BABAM2: variants seen among roughly 807,000 people sequenced by gnomAD.
BABAM2 encodes the protein BRISC and BRCA1-A complex member 2.
BABAM2 carries 31 observed loss-of-function variants against 54.7 expected under a neutral mutation model. The observed-to-expected ratio is 0.57, with a 90% CI of 0.43 to 0.77. BABAM2 has a LOEUF of 0.77. Among genes scored for constraint, BABAM2 ranks in the 30% least tolerant of loss-of-function variants. The pLI is 0.00. For synonymous variants in BABAM2, 167 were observed against 162.9 expected, an observed-to-expected ratio of 1.03 and a Z score of -0.19; for missense variants, 364 against 455.8, an observed-to-expected ratio of 0.80 and a Z score of 1.83.
At chr2:28,221,510 A>G (rs761879678) in intron 7 of BABAM2, among the ~76,000 whole-genome samples, 4 of 152,176 alleles carry the variant, frequency 2.6e-5, no homozygotes, top group Non-Finnish European at 5.9e-5. Context: ...ATTACATACT[A>G]TTCTGCAGCT....
At chr2:28,334,240 C>T (rs1691213589) in intron 11 of BABAM2, among the ~76,000 whole-genome samples, 1 of 152,246 alleles carries the variant, frequency 6.6e-6, no homozygotes, top group African/African-American at 2.4e-5. Flanking sequence ...AAGGAGCTTG[C>T]AATGTTGTAG....
At chr2:28,116,267 G>T (rs1409886347) in intron 6 of BABAM2, among the ~76,000 whole-genome samples, 1 of 152,202 alleles carries the variant, frequency 6.6e-6, no homozygotes, top group East Asian at 1.9e-4. Flanking sequence ...CCCATAGACA[G>T]TTCCAGAGGG....
At chr2:28,185,710 C>T (rs1487055528) in intron 7 of BABAM2, among the ~76,000 whole-genome samples, 1 of 151,750 alleles carries the variant, frequency 6.6e-6, no homozygotes, top group Non-Finnish European at 1.5e-5. Context: ...TGTCATTGCA[C>T]AAGTATTTGA....
chr2:27,912,540 A>G (rs1310759002), intron 2 of BABAM2, among the ~76,000 whole-genome samples: 1 of 152,180 alleles, frequency 6.6e-6, no homozygotes, highest in Non-Finnish European at 1.5e-5. Flanking sequence ...CTGAGAACCA[A>G]TATAGTTCAA....
chr2:28,217,272 C>T lies in BABAM2; in HGVS notation c.681-19930C>T, dbSNP rs930693148. 1.5e-4 allele frequency among the ~76,000 whole-genome samples: 23 copies of T among 152,268 alleles called. 1 individual carries two copies. The highest frequency in any genetic ancestry group is 1.1e-3 in the Admixed American group (17 of 15,280). On this transcript the variant is annotated intron_variant, in intron 7 of 11. Transcript: ENST00000379624. ...ATATCATAATGGTCAAGAAAAGTTTCATAAATTGGCACTGATTTAAGTGCT... is the reference window on the plus strand; with the variant it reads ...ATATCATAATGGTCAAGAAAAGTTTTATAAATTGGCACTGATTTAAGTGCT...
intron 7 of BABAM2, among the ~76,000 whole-genome samples, chr2:28,179,332 C>T (rs1280727476): frequency 7.2e-5 from 11 of 152,198 alleles, no homozygotes; most frequent in Admixed American, 7.2e-4. Flanking sequence ...GTTCAACATA[C>T]ACAAATCAAA....
In BABAM2 at chr2:28,276,307, G is replaced by A. The variant is rs112144542; in HGVS notation, c.935-22031G>A. 8.3e-3 allele frequency among the ~76,000 whole-genome samples: 1,267 copies of A among 152,226 alleles called. 15 individuals are homozygous for A. The highest frequency in any genetic ancestry group is 0.029 in the African/African-American group (1,207 of 41,534). On this transcript the variant is annotated intron_variant, in intron 10 of 11. Coordinates refer to ENST00000379624, the MANE Select transcript of BABAM2 (RefSeq NM_199191.3). ...TACTTTCTCTCAGAATTTTACAGAT[G>A]TGAGTCATCCACTTTAGTCTGCAGA...
chr2:27,965,845 C>T (rs1246948289), intron 3 of BABAM2, among the ~76,000 whole-genome samples: 2 of 151,540 alleles, frequency 1.3e-5, no homozygotes, highest in Non-Finnish European at 2.9e-5. Flanking sequence ...TCTCCTTTTC[C>T]TCCTCCTTGT....
In BABAM2 at chr2:27,898,269, T is replaced by C. The variant is rs551898457; in HGVS notation, c.128+3585T>C. ...TTCATCAAGATTGTGCCTAATCCTA[T>C]TTTCTTTTCCTTCCCACCTCAGGTC... On this transcript the variant is annotated intron_variant, in intron 2 of 11. Transcript: ENST00000379624. 1.8e-4 allele frequency among the ~76,000 whole-genome samples: 28 copies of C among 152,364 alleles called. 1 individual carries two copies. In the South Asian group the frequency reaches 5.8e-3, roughly 32 times the overall value.
At chr2:27,921,460 AAGAT>A (rs1667341961) in intron 2 of BABAM2, among the ~76,000 whole-genome samples, 1 of 152,142 alleles carries the variant, frequency 6.6e-6, no homozygotes, top group Non-Finnish European at 1.5e-5. Context: ...CACTAATCAT[AAGAT>A]ATTAATCTGA....
At chr2:27,964,839 T>G (rs1417317993) in intron 3 of BABAM2, among the ~76,000 whole-genome samples, 1 of 152,222 alleles carries the variant, frequency 6.6e-6, no homozygotes, top group Non-Finnish European at 1.5e-5. Flanking sequence ...CACATTCTGT[T>G]CTTCTAGAAA....
chr2:28,214,074 A>T (rs182028882), intron 7 of BABAM2, among the ~76,000 whole-genome samples: 125 of 152,266 alleles, frequency 8.2e-4, no homozygotes, highest in Non-Finnish European at 2.6e-4. Context: ...GCCGTGCAAT[A>T]ATCAGAATCA....
chr2:28,336,083 A>C (rs953557053), intron 11 of BABAM2, among the ~76,000 whole-genome samples: 7 of 152,206 alleles, frequency 4.6e-5, no homozygotes, highest in African/African-American at 1.4e-4. Flanking sequence ...GGTCTTGGTC[A>C]GGAAAGGGAC....
At chr2:28,055,568 C>A (rs899255797) in intron 6 of BABAM2, among the ~76,000 whole-genome samples, 1 of 152,044 alleles carries the variant, frequency 6.6e-6, no homozygotes, top group African/African-American at 2.4e-5. Flanking sequence ...GTAATTCTGA[C>A]AATGGTATAT....
chr2:28,225,535 AGAGC>A (rs1201280404), intron 7 of BABAM2, among the ~76,000 whole-genome samples: 1 of 152,188 alleles, frequency 6.6e-6, no homozygotes, highest in African/African-American at 2.4e-5. Context: ...CACTGTGAAA[AGAGC>A]ATATATGATT....
In BABAM2 at chr2:28,176,329, G is replaced by T. The variant is rs145938097; in HGVS notation, c.680+46949G>T. 2.1e-3 allele frequency among the ~76,000 whole-genome samples: 323 copies of T among 152,114 alleles called. 3 individuals are homozygous for T. The highest frequency in any genetic ancestry group is 7.0e-3 in the African/African-American group (292 of 41,528). On this transcript the variant is annotated intron_variant, in intron 7 of 11. Transcript: ENST00000379624. ...TCATGCCTGTAATCCCAGCACTTTG[G>T]GAGGGTGCAGTGGGTGGATCACCTG...
At chr2:27,971,335 A>G (rs1332631744) in intron 3 of BABAM2, among the ~76,000 whole-genome samples, 1 of 152,174 alleles carries the variant, frequency 6.6e-6, no homozygotes, top group Non-Finnish European at 1.5e-5. Context: ...TTAGAGAATG[A>G]GAAAACATCT....
intron 7 of BABAM2, among the ~76,000 whole-genome samples, chr2:28,227,055 C>T (rs890833898): frequency 8.6e-5 from 13 of 151,908 alleles, no homozygotes; most frequent in African/African-American, 3.1e-4. Context: ...AGGCCTGAGC[C>T]AGACAGATAA....
At chr2:28,265,447 A>G (rs1442584512) in intron 10 of BABAM2, among the ~76,000 whole-genome samples, 1 of 152,076 alleles carries the variant, frequency 6.6e-6, no homozygotes, top group Non-Finnish European at 1.5e-5. Context: ...AATAAATAGG[A>G]CACAATTAAA....
Sources: allele counts gnomAD v4.1 joint callset (sites outside exome capture counted in the v4.1 genomes callset), GRCh38; gene constraint gnomAD v4.1.1; transcripts MANE v1.5; gene names NCBI Gene and HGNC (gene_info 2026-07-23, HGNC 2026-07-21).